The following DNAJC5B variants were observed in gnomAD, a reference collection of about 807,000 sequenced individuals.
DNAJC5B encodes the protein dnaJ homolog subfamily C member 5B.
In DNAJC5B, 23 loss-of-function variants were observed where a neutral mutation model predicts 24.7. The observed-to-expected ratio is 0.93, with a 90% CI of 0.67 to 1.32. The LOEUF (loss-of-function observed/expected upper bound fraction) is 1.32, where lower values mean the gene tolerates loss of function less well. Ranked by LOEUF, DNAJC5B falls within the 40% of genes most tolerant of loss-of-function variation. DNAJC5B has a pLI of 0.00. For missense variants in DNAJC5B, 238 were observed against 240.8 expected, an observed-to-expected ratio of 0.99 and a Z score of 0.08; for synonymous variants, 101 against 90.1, an observed-to-expected ratio of 1.12 and a Z score of -0.68.
intron 1 of DNAJC5B, among the ~76,000 whole-genome samples, chr8:66,037,722 G>A (rs886665029): frequency 1.3e-5 from 2 of 152,234 alleles, no homozygotes; most frequent in African/African-American, 2.4e-5. Flanking sequence ...AGGAGCACTC[G>A]ATCTGCAGGA....
intron 3 of DNAJC5B, 34 bp downstream of exon 3, chr8:66,051,700 C>A (rs1806849057): frequency 6.6e-7 from 1 of 1,506,812 alleles, no homozygotes; most frequent in Non-Finnish European, 9.2e-7. Context: ...TCTTCTGCTA[C>A]TAGTGAGTTA....
intron 3 of DNAJC5B, chr8:66,057,468 C>T (rs951733364): frequency 1.3e-5 from 2 of 152,146 alleles, no homozygotes; most frequent in African/African-American, 4.8e-5. Flanking sequence ...ATAGCATTGA[C>T]ATCCTAGAAG....
intron 5 of DNAJC5B, among the ~76,000 whole-genome samples, chr8:66,090,429 C>T (rs1183430224): frequency 6.6e-6 from 1 of 151,986 alleles, no homozygotes; most frequent in African/African-American, 2.4e-5. Flanking sequence ...TGACATCCAA[C>T]CAAAATTTCC....
At chr8:66,054,586 T>A (rs970661611) in intron 3 of DNAJC5B, among the ~76,000 whole-genome samples, 1 of 152,200 alleles carries the variant, frequency 6.6e-6, no homozygotes, top group Non-Finnish European at 1.5e-5. Context: ...TGGCAAATTG[T>A]AGGAACTGAA....
At chr8:66,019,718 T>C (rs528084697), upstream of DNAJC5B, among the ~76,000 whole-genome samples, 9 of 152,366 alleles carry the variant, frequency 5.9e-5, no homozygotes, top group African/African-American at 2.2e-4. Context: ...AATCAAAGTG[T>C]GGGAAACCCT....
At chr8:66,070,974 C>G (rs7813194) in intron 3 of DNAJC5B, among the ~76,000 whole-genome samples, 19,354 of 151,928 alleles carry the variant, frequency 0.13, 2,508 homozygotes, top group African/African-American at 0.33. Flanking sequence ...TTTAATAAAT[C>G]GTGTTGGGAA....
At chr8:66,073,017 T>G (rs889826929) in intron 3 of DNAJC5B, among the ~76,000 whole-genome samples, 3 of 151,550 alleles carry the variant, frequency 2.0e-5, no homozygotes, top group African/African-American at 7.3e-5. Context: ...GTACTTGGGG[T>G]GGGGGGTCTT....
chr8:66,022,900 G>A (rs1465570002), intron 1 of DNAJC5B, among the ~76,000 whole-genome samples: 1 of 152,176 alleles, frequency 6.6e-6, no homozygotes, highest in Non-Finnish European at 1.5e-5. Context: ...CAGTTTTTAG[G>A]CTTCCTTCAT....
chr8:66,048,924 C>A (rs951521264), intron 2 of DNAJC5B, among the ~76,000 whole-genome samples: 1 of 152,166 alleles, frequency 6.6e-6, no homozygotes, highest in African/African-American at 2.4e-5. Flanking sequence ...CAAAGCGAGG[C>A]CTCTAATGGC....
intron 1 of DNAJC5B, among the ~76,000 whole-genome samples, chr8:66,038,192 C>T (rs1806530235): frequency 6.6e-6 from 1 of 152,214 alleles, no homozygotes; most frequent in African/African-American, 2.4e-5. Flanking sequence ...GCAGAAGTCA[C>T]ATGATCACAC....
At chr8:66,032,840 T>A (rs564707076) in intron 1 of DNAJC5B, among the ~76,000 whole-genome samples, 1 of 152,324 alleles carries the variant, frequency 6.6e-6, no homozygotes, top group South Asian at 2.1e-4. Context: ...CACTGTCTAG[T>A]TCTAAACATA....
intron 5 of DNAJC5B, among the ~76,000 whole-genome samples, chr8:66,085,823 T>A (rs1283511030): frequency 6.6e-6 from 1 of 152,126 alleles, no homozygotes; most frequent in African/African-American, 2.4e-5. Flanking sequence ...GTTGTCTATA[T>A]CTACAGAAAA....
At chr8:66,039,346 CTTTT>C (rs59355860) in intron 1 of DNAJC5B, among the ~76,000 whole-genome samples, 1 of 130,610 alleles carries the variant, frequency 7.7e-6, no homozygotes. Context: ...CCACTTCATA[CTTTT>C]TTTTTTTTTT....
intron 2 of DNAJC5B, among the ~76,000 whole-genome samples, chr8:66,049,731 C>A (rs1044959959): frequency 2.0e-5 from 3 of 152,174 alleles, no homozygotes; most frequent in African/African-American, 7.2e-5. Flanking sequence ...TCTTCAGTAA[C>A]CTGTATATCT....
chr8:66,033,771 T>G, intron 1 of DNAJC5B, among the ~76,000 whole-genome samples: 1 of 45,536 alleles, frequency 2.2e-5, no homozygotes, highest in African/African-American at 2.6e-4. Context: ...ATCATTCCGC[T>G]TTTTTTTTTT....
intron 5 of DNAJC5B, among the ~76,000 whole-genome samples, chr8:66,090,251 A>ATGTGTGTGTGTGTGTGTGTG (rs147978582): frequency 6.9e-6 from 1 of 145,320 alleles, no homozygotes; most frequent in Admixed American, 6.9e-5. Context: ...GCGTGCAGGC[A>ATGTGTGTGTGTGTGTGTGTG]TGTGTGTGTG....
At position 66,059,253 on chromosome 8, in the gene DNAJC5B, A is replaced by G. The variant is rs1205599877; in HGVS notation, c.119+7587A>G. ...ACCAGTGTTTGCATGAGATAAGCAA[A>G]TATTTTACCTGCTTCTCCCACTGCC... On this transcript the variant is annotated intron_variant, in intron 3 of 5. Transcript: ENST00000276570. Among the ~76,000 whole-genome samples the G allele has an allele frequency of 7.2e-5, 11 of 152,364 alleles. No individual in the cohort carries two copies. In the South Asian group the frequency reaches 1.2e-3, roughly 17 times the overall value.
At chr8:66,068,100 T>C (rs1239016753) in intron 3 of DNAJC5B, among the ~76,000 whole-genome samples, 1 of 152,192 alleles carries the variant, frequency 6.6e-6, no homozygotes, top group East Asian at 1.9e-4. Context: ...ATAAAAACAC[T>C]TTCTGGTTTA....
intron 5 of DNAJC5B, among the ~76,000 whole-genome samples, chr8:66,095,755 T>C (rs932571518): frequency 3.9e-5 from 6 of 151,914 alleles, no homozygotes; most frequent in Admixed American, 2.0e-4. Flanking sequence ...ATTTCTATTA[T>C]GATTTTTTCT....
Sources: allele counts gnomAD v4.1 joint callset (sites outside exome capture counted in the v4.1 genomes callset), GRCh38; gene constraint gnomAD v4.1.1; transcripts MANE v1.5; gene names NCBI Gene and HGNC (gene_info 2026-07-23, HGNC 2026-07-21).